The following AGK variants were observed in gnomAD, a reference collection of about 807,000 sequenced individuals.
The protein encoded by AGK is acylglycerol kinase, also known as acylglycerol kinase, mitochondrial.
AGK carries 52 observed loss-of-function variants against 66.4 expected under a neutral mutation model. The observed-to-expected ratio is 0.78, with a 90% CI of 0.63 to 0.99. The LOEUF is 0.99. Among genes scored for constraint, AGK ranks in the 50% least tolerant of loss-of-function variants. AGK has a pLI of 0.00. For missense variants in AGK, 451 were observed against 506.6 expected (o/e 0.89, Z 1.05); for synonymous variants, 182 against 181.1 (o/e 1.00, Z -0.04).
chr7:141,627,277 T>G (rs919598541), intron 9 of AGK, among the ~76,000 whole-genome samples: 27 of 152,042 alleles, frequency 1.8e-4, no homozygotes, highest in African/African-American at 6.5e-4. Flanking sequence ...CTTTTTCATC[T>G]AAACTCTTAT....
At position 141,554,490 on chromosome 7, in the gene AGK, C is replaced by T. The variant is rs185484242; in HGVS notation, c.-14-963C>T. On this transcript the variant is annotated intron_variant, in intron 1 of 15. Transcript: ENST00000649286. ...TAACATTATGTTTTGGGTTTTTTCC[C>T]CCATCAGTAAAAATTTTGGGTAAAA... Among the ~76,000 whole-genome samples, 20 of 151,740 alleles carry T rather than the reference C, an allele frequency of 1.3e-4. No homozygotes were observed. In the East Asian group the frequency reaches 3.7e-3, roughly 28 times the overall value.
chr7:141,604,374 G>GTATGTATATA (rs1554400831), intron 5 of AGK, among the ~76,000 whole-genome samples: 3 of 113,826 alleles, frequency 2.6e-5, no homozygotes, highest in African/African-American at 1.0e-4. Context: ...GTGTGTGTGT[G>GTATGTATATA]TATATATATA....
intron 2 of AGK, among the ~76,000 whole-genome samples, chr7:141,557,874 T>G (rs1350416149): frequency 6.6e-6 from 1 of 152,230 alleles, no homozygotes; most frequent in African/African-American, 2.4e-5. Context: ...ATAAACATTT[T>G]CACCTTAACC....
At chr7:141,603,327 G>A (rs1178494864) in intron 5 of AGK, among the ~76,000 whole-genome samples, 1 of 152,130 alleles carries the variant, frequency 6.6e-6, no homozygotes, top group Non-Finnish European at 1.5e-5. Context: ...GTCATTAGAT[G>A]CACTAAAGTT....
At chr7:141,587,544 A>G (rs1267319310) in intron 2 of AGK, among the ~76,000 whole-genome samples, 1 of 152,000 alleles carries the variant, frequency 6.6e-6, no homozygotes, top group African/African-American at 2.4e-5. Context: ...GTTCCGAACT[A>G]CTTTCTCTTT....
intron 10 of AGK, among the ~76,000 whole-genome samples, chr7:141,634,458 G>A (rs907923780): frequency 6.6e-6 from 1 of 152,226 alleles, no homozygotes; most frequent in Non-Finnish European, 1.5e-5. Context: ...GAGGAAGAAA[G>A]GCGGCGCCTG....
At chr7:141,586,164 T>G (rs953436719) in intron 2 of AGK, among the ~76,000 whole-genome samples, 1 of 152,162 alleles carries the variant, frequency 6.6e-6, no homozygotes, top group African/African-American at 2.4e-5. Flanking sequence ...AACTCCCCGC[T>G]TAGCCTCTTT....
chr7:141,555,593 C>T lies in AGK; in HGVS notation c.101+26C>T. ...GTAACTATCTGACAGCCCCATCCCA[C>T]CTTTGCATCTGCAGCAAAACAGCCC... On this transcript the variant is annotated intron_variant, in intron 2 of 15. Transcript: ENST00000649286. The surrounding 1 kb of genome is among the most constrained non-coding windows in gnomAD (Gnocchi z 4.2). The T allele has an allele frequency of 6.4e-7, 1 of 1,559,546 alleles. No individual in the cohort carries two copies. The highest frequency in any genetic ancestry group is 8.8e-7 in the Non-Finnish European group (1 of 1,134,968).
chr7:141,609,357 T>C (rs567349607), intron 5 of AGK, among the ~76,000 whole-genome samples: 49 of 152,324 alleles, frequency 3.2e-4, no homozygotes, highest in Middle Eastern at 3.4e-3. Flanking sequence ...TCTTCTGACC[T>C]GCCAACTACA....
At chr7:141,641,211 C>T (rs757235642) in intron 11 of AGK, 37 bp from the exon 12 acceptor site, 2 of 1,589,008 alleles carry the variant, frequency 1.3e-6, no homozygotes, top group Non-Finnish European at 1.7e-6. Flanking sequence ...TGGAATTGTA[C>T]ATGCATAACA....
chr7:141,618,256 G>A (rs1292914608), intron 8 of AGK, among the ~76,000 whole-genome samples: 1 of 152,148 alleles, frequency 6.6e-6, no homozygotes, highest in African/African-American at 2.4e-5. Flanking sequence ...ATATCCATTT[G>A]ATACGTCCAA....
At chr7:141,616,025 T>G (rs1455780662) in intron 8 of AGK, 1 of 156,688 alleles carries the variant, frequency 6.4e-6, no homozygotes, top group East Asian at 1.9e-4. Flanking sequence ...TTGGGAATAC[T>G]TAAAGTGGTA....
intron 1 of AGK, among the ~76,000 whole-genome samples, chr7:141,554,616 G>C (rs1426804840): frequency 1.3e-5 from 2 of 152,168 alleles, no homozygotes; most frequent in Non-Finnish European, 2.9e-5. Flanking sequence ...GCAGTGACCA[G>C]AATTATGTCC....
At chr7:141,643,690 A>T (rs1288922929) in intron 13 of AGK, among the ~76,000 whole-genome samples, 1 of 152,194 alleles carries the variant, frequency 6.6e-6, no homozygotes, top group African/African-American at 2.4e-5. Context: ...CTGATTATTT[A>T]CTACATGTGA....
intron 15 of AGK, 103 bp from the exon 16 acceptor site, chr7:141,652,684 T>G: frequency 3.2e-6 from 4 of 1,237,424 alleles, no homozygotes; most frequent in East Asian, 4.7e-5. Flanking sequence ...CAAGAGAGGA[T>G]GTTGTTTTCC....
At chr7:141,647,375 C>T (rs1025637203) in intron 13 of AGK, among the ~76,000 whole-genome samples, 4 of 152,208 alleles carry the variant, frequency 2.6e-5, no homozygotes, top group Admixed American at 2.6e-4. Context: ...CCTCTCTTCC[C>T]TGTCTTCCTC....
chr7:141,573,997 C>T (rs1001436091), intron 2 of AGK, among the ~76,000 whole-genome samples: 3 of 151,876 alleles, frequency 2.0e-5, no homozygotes, highest in African/African-American at 7.3e-5. Flanking sequence ...AATTGAGTCT[C>T]ATTATATATA....
chr7:141,566,487 G>A (rs1157691388), intron 2 of AGK, among the ~76,000 whole-genome samples: 1 of 152,166 alleles, frequency 6.6e-6, no homozygotes, highest in Non-Finnish European at 1.5e-5. Flanking sequence ...ACAAACCTAG[G>A]CTGTTGAGTC....
At chr7:141,562,965 G>C (rs2116859857) in intron 2 of AGK, among the ~76,000 whole-genome samples, 1 of 152,292 alleles carries the variant, frequency 6.6e-6, no homozygotes, top group Middle Eastern at 3.4e-3. Flanking sequence ...ATTTGTTCCA[G>C]CTCTAGGTAA....
Sources: gnomAD v4.1 joint callset for allele counts (sites outside exome capture counted in the v4.1 genomes callset) on GRCh38, gnomAD v4.1.1 for gene constraint, Gnocchi (gnomAD v3.1) non-coding constraint, MANE v1.5 for transcripts, NCBI Gene and HGNC (gene_info 2026-07-23, HGNC 2026-07-21) for gene names.